TPD52L1: variants seen among roughly 807,000 people sequenced by gnomAD.
TPD52L1 encodes tumor protein D53.
A neutral mutation model predicts 28.7 loss-of-function variants in TPD52L1; 18 were observed. That is an observed-to-expected ratio of 0.63 (90% CI 0.43 to 0.93). The LOEUF (loss-of-function observed/expected upper bound fraction) is 0.93, where lower values mean the gene tolerates loss of function less well. Ranked by LOEUF, TPD52L1 falls within the 40% of genes least tolerant of loss-of-function variation. TPD52L1 has a pLI of 0.00. For missense variants in TPD52L1, 203 were observed against 254.8 expected, an observed-to-expected ratio of 0.80 and a Z score of 1.39; for synonymous variants, 75 against 88.8, an observed-to-expected ratio of 0.84 and a Z score of 0.88.
chr6:125,159,054 G>A (rs1024147581), intron 1 of TPD52L1, among the ~76,000 whole-genome samples: 4 of 152,202 alleles, frequency 2.6e-5, no homozygotes, highest in Non-Finnish European at 4.4e-5. Context: ...TGACTGATCC[G>A]AATGGTGGTT....
chr6:125,219,783 A>G (rs9321024), intron 1 of TPD52L1: 53,270 of 400,448 alleles, frequency 0.13, 4,419 homozygotes, highest in East Asian at 0.29. Flanking sequence ...GAGACAGTGA[A>G]GAGCTAAGCT....
At chr6:125,154,343 G>A (rs1789968655) in intron 1 of TPD52L1, 4 of 1,049,488 alleles carry the variant, frequency 3.8e-6, no homozygotes, top group Non-Finnish European at 4.6e-6. Context: ...AGGGAGTGGG[G>A]AGGGAATGTG....
chr6:125,198,597 C>T (rs1244764174), intron 1 of TPD52L1, among the ~76,000 whole-genome samples: 3 of 152,156 alleles, frequency 2.0e-5, no homozygotes, highest in Non-Finnish European at 4.4e-5. Context: ...TGTCTATGAA[C>T]GTCAATTTTC....
chr6:125,213,707 G>A (rs1326881658), intron 1 of TPD52L1, among the ~76,000 whole-genome samples: 1 of 152,098 alleles, frequency 6.6e-6, no homozygotes, highest in African/African-American at 2.4e-5. Flanking sequence ...AACACGAGGG[G>A]CCTCTCTGTC....
At chr6:125,257,224 GTTAGT>G in intron 6 of TPD52L1, 66 bp downstream of exon 6, 2 of 1,450,384 alleles carry the variant, frequency 1.4e-6, no homozygotes, top group Non-Finnish European at 1.9e-6. Context: ...CATTGCTGCG[GTTAGT>G]TTAAAGTCGA....
At chr6:125,172,156 CT>C (rs34678154) in intron 1 of TPD52L1, among the ~76,000 whole-genome samples, 5,344 of 37,118 alleles carry the variant, frequency 0.14, 75 homozygotes, top group Middle Eastern at 0.19. Context: ...TTCTTTCTTT[CT>C]TTTCTTTCTT....
intron 1 of TPD52L1, among the ~76,000 whole-genome samples, chr6:125,155,180 G>A (rs1395866026): frequency 1.3e-5 from 2 of 152,356 alleles, no homozygotes; most frequent in East Asian, 3.9e-4. Context: ...TCAACCAAGG[G>A]TGAGGGCAGT....
chr6:125,172,150 T>TTC (rs1491513500), intron 1 of TPD52L1, among the ~76,000 whole-genome samples: 7 of 60,612 alleles, frequency 1.2e-4, no homozygotes, highest in Non-Finnish European at 2.2e-4. Flanking sequence ...CTTTCTTTCT[T>TTC]TCTTTCTTTT....
rs185063031 is a variant in TPD52L1, at chr6:125,176,868, C to T, written c.19+22898C>T. ...CCTGGGCAATGTGGTGAAACCCCAT[C>T]TCTACAAAAAAATAAAAAAATTAGC... On this transcript the variant is annotated intron_variant, in intron 1 of 6. Coordinates refer to ENST00000534000, the MANE Select transcript of TPD52L1 (RefSeq NM_003287.4). Among the ~76,000 whole-genome samples, 720 of 151,972 alleles carry T rather than the reference C, an allele frequency of 4.7e-3. 4 individuals carry two copies. Among genetic ancestry groups the T allele is most frequent in the Non-Finnish European group, 7.8e-3 (532 of 67,980 alleles).
At chr6:125,234,306 T>A (rs1438490149) in intron 3 of TPD52L1, 1 of 152,204 alleles carries the variant, frequency 6.6e-6, no homozygotes, top group Non-Finnish European at 1.5e-5. Context: ...TCTGCTAGAA[T>A]GGCTTTAGAA....
chr6:125,172,549 T>TATATAA (rs1316354182), intron 1 of TPD52L1, among the ~76,000 whole-genome samples: 3 of 92,048 alleles, frequency 3.3e-5, no homozygotes, highest in East Asian at 5.7e-4. Flanking sequence ...TATATATATA[T>TATATAA]ATAATATATA....
At chr6:125,237,943 A>G (rs1796370589) in intron 3 of TPD52L1, among the ~76,000 whole-genome samples, 1 of 152,200 alleles carries the variant, frequency 6.6e-6, no homozygotes, top group East Asian at 1.9e-4. Context: ...TGCAGGCGTG[A>G]GCCACGACGC....
At chr6:125,251,981 A>C in intron 4 of TPD52L1, 1 of 1,535,598 alleles carries the variant, frequency 6.5e-7, no homozygotes, top group Admixed American at 2.0e-5. Flanking sequence ...CTGTTTGCTA[A>C]CTCTGCTCCT....
In TPD52L1 at chr6:125,260,982, AAAAG is replaced by A. The variant is rs1342382897; in HGVS notation, c.487-1816_487-1813del. The A allele has an allele frequency of 4.5e-4, 20 of 44,770 alleles. 1 individual carries two copies. The highest frequency in any genetic ancestry group is 6.9e-4 in the Non-Finnish European group (19 of 27,722). The allele number at this position is 44,770 out of a possible 1,614,324, so 2.8% of individuals were successfully genotyped here. ...AAAGAAAGAAAGAAAGAAAGAAAAG[AAAAG>A]AAAGAAAGAAAGAAAGAAAGAAAGA... On this transcript the variant is annotated intron_variant, in intron 6 of 6. Transcript: ENST00000534000.
Position 125,263,166 on chromosome 6 carries a change from T to G in TPD52L1, c.*204T>G, listed in dbSNP as rs930364107. The G allele has an allele frequency of 3.4e-6, 2 of 588,724 alleles. No individual in the cohort carries two copies. The highest frequency in any genetic ancestry group is 3.7e-5 in the African/African-American group (2 of 53,790). The allele number at this position is 588,724 out of a possible 1,614,324, so 36.5% of individuals were successfully genotyped here. A position where few individuals can be genotyped will look rare whatever the true frequency, so the allele number is the denominator to read the frequency against. On this transcript the variant is annotated 3_prime_UTR_variant, in exon 7 of 7. Coordinates refer to ENST00000534000, the MANE Select transcript of TPD52L1 (RefSeq NM_003287.4). Reference sequence around the variant, plus strand: ...ACCACTTGACCATCACATTTCAGTATTCATAGATGACTGTCACATTTTAAA... The same window carrying G: ...ACCACTTGACCATCACATTTCAGTAGTCATAGATGACTGTCACATTTTAAA...
At chr6:125,188,270 A>G (rs1345877247) in intron 1 of TPD52L1, among the ~76,000 whole-genome samples, 1 of 152,144 alleles carries the variant, frequency 6.6e-6, no homozygotes, top group African/African-American at 2.4e-5. Flanking sequence ...GGAAAGGCAC[A>G]TTTTTATCCT....
At chr6:125,230,341 G>T (rs1795877315) in intron 3 of TPD52L1, among the ~76,000 whole-genome samples, 1 of 152,160 alleles carries the variant, frequency 6.6e-6, no homozygotes, top group South Asian at 2.1e-4. Context: ...TTGGGGGTTA[G>T]GGGCTGATGA....
At chr6:125,202,766 C>CTT (rs55761249) in intron 1 of TPD52L1, among the ~76,000 whole-genome samples, 1 of 116,446 alleles carries the variant, frequency 8.6e-6, no homozygotes, top group African/African-American at 3.6e-5. Context: ...GGAGGTTTAT[C>CTT]TTTTTTTTTT....
chr6:125,228,122 T>C (rs999458696), intron 2 of TPD52L1, among the ~76,000 whole-genome samples: 6 of 152,182 alleles, frequency 3.9e-5, no homozygotes, highest in African/African-American at 1.4e-4. Context: ...GTATACTCTA[T>C]GATTCAATTT....
Sources: gnomAD v4.1 joint callset for allele counts (sites outside exome capture counted in the v4.1 genomes callset) on GRCh38, gnomAD v4.1.1 for gene constraint, MANE v1.5 for transcripts, NCBI Gene and HGNC (gene_info 2026-07-23, HGNC 2026-07-21) for gene names.